SRD5A1: variants seen among roughly 807,000 people sequenced by gnomAD.
SRD5A1 encodes steroid 5 alpha-reductase 1.
In SRD5A1, 22 loss-of-function variants were observed where a neutral mutation model predicts 28.2. The observed-to-expected ratio is 0.78, with a 90% CI of 0.56 to 1.12. SRD5A1 has a LOEUF of 1.12. Ranked by LOEUF, SRD5A1 falls within the 50% of genes most tolerant of loss-of-function variation. The pLI is 0.00. For synonymous variants in SRD5A1, 151 were observed against 135.0 expected (o/e 1.12, Z -0.82); for missense variants, 300 against 346.7 (o/e 0.87, Z 1.07).
rs1739321080 is a variant in SRD5A1 at position 6,670,307 on chromosome 5, G to T, written c.*2039G>T. 6.6e-6 allele frequency: 1 copy of T among 152,170 alleles called. No homozygotes were observed. The highest frequency in any genetic ancestry group is 1.5e-5 in the Non-Finnish European group (1 of 68,052). 9.4% of individuals were successfully genotyped at this position (152,170 alleles called of 1,614,324 possible). A position where few individuals can be genotyped will look rare whatever the true frequency, so the allele number is the denominator to read the frequency against. ...GCCTCAAGCTGCAGGGAAGCCAGGG[G>T]GTGGCATGGCCATGGCTTCTCCCTC... On this transcript the variant is annotated 3_prime_UTR_variant, in exon 5 of 5. Coordinates refer to ENST00000274192, the MANE Select transcript of SRD5A1 (RefSeq NM_001047.4).
rs557030057 is a variant in SRD5A1, at chr5:6,665,554, G to A, written c.713+2588G>A. On this transcript the variant is annotated intron_variant, in intron 4 of 4. Coordinates refer to ENST00000274192, the MANE Select transcript of SRD5A1 (RefSeq NM_001047.4). ...ATCTGACTTCCTCCCCTCTGCGCCC[G>A]CTGCTCCCAGCACTGCACCTGGCCT... 4.6e-5 allele frequency among the ~76,000 whole-genome samples: 7 copies of A among 152,292 alleles called. No homozygotes were observed. In the South Asian group the frequency reaches 1.2e-3, roughly 27 times the overall value.
chr5:6,657,849 C>T (rs1012590459), intron 3 of SRD5A1, among the ~76,000 whole-genome samples: 3 of 152,184 alleles, frequency 2.0e-5, no homozygotes, highest in African/African-American at 7.2e-5. Context: ...ATTTCCTGCT[C>T]TCAGTGTCTG....
chr5:6,664,833 G>A (rs543527238), intron 4 of SRD5A1, among the ~76,000 whole-genome samples: 4 of 152,362 alleles, frequency 2.6e-5, no homozygotes, highest in Admixed American at 2.0e-4. Context: ...AGGAGAGAGC[G>A]AGATCAGAGA....
intron 4 of SRD5A1, among the ~76,000 whole-genome samples, chr5:6,663,420 G>C (rs1258738238): frequency 1.3e-5 from 2 of 152,220 alleles, no homozygotes; most frequent in South Asian, 4.1e-4. Context: ...TGGTGGCTTA[G>C]GCCATGGCTC....
intron 2 of SRD5A1, among the ~76,000 whole-genome samples, chr5:6,655,174 C>T (rs1172287187): frequency 2.0e-5 from 3 of 152,186 alleles, no homozygotes; most frequent in South Asian, 2.1e-4. Context: ...TGATGCCCCA[C>T]GTGTACATTG....
At chr5:6,654,871 T>C (rs1738789115) in intron 2 of SRD5A1, among the ~76,000 whole-genome samples, 1 of 152,238 alleles carries the variant, frequency 6.6e-6, no homozygotes, top group Non-Finnish European at 1.5e-5. Flanking sequence ...GACAACATGA[T>C]TCCTTTCTAG....
chr5:6,666,165 T>C (rs1739162692), intron 4 of SRD5A1, among the ~76,000 whole-genome samples: 1 of 152,200 alleles, frequency 6.6e-6, no homozygotes. Context: ...TCTTTTTTTT[T>C]TTGAGACAGT....
In SRD5A1 at chr5:6,672,572, G is replaced by A. The variant is rs1252677977; in HGVS notation, c.*4304G>A. Reference sequence around the variant, plus strand: ...TTACAGGCACAAGCCACAGCTCCCGGCCCAACTGTTGCATTATTATTTGCA... The same window carrying A: ...TTACAGGCACAAGCCACAGCTCCCGACCCAACTGTTGCATTATTATTTGCA... On this transcript the variant is annotated 3_prime_UTR_variant, in exon 5 of 5. Coordinates refer to ENST00000274192, the MANE Select transcript of SRD5A1 (RefSeq NM_001047.4). 6.6e-6 allele frequency: 1 copy of A among 152,158 alleles called. No individual in the cohort carries two copies. Among genetic ancestry groups the A allele is most frequent in the East Asian group, 1.9e-4 (1 of 5,180 alleles). 9.4% of individuals were successfully genotyped at this position (152,158 alleles called of 1,614,324 possible). A position where few individuals can be genotyped will look rare whatever the true frequency, so the allele number is the denominator to read the frequency against.
At chr5:6,638,832 G>A (rs1738277697) in intron 1 of SRD5A1, among the ~76,000 whole-genome samples, 1 of 152,202 alleles carries the variant, frequency 6.6e-6, no homozygotes, top group Non-Finnish European at 1.5e-5. Context: ...GAAAGGCTAG[G>A]TGAAAGGAAC....
chr5:6,646,826 A>G (rs1240719395), intron 1 of SRD5A1, among the ~76,000 whole-genome samples: 1 of 151,808 alleles, frequency 6.6e-6, no homozygotes, highest in Admixed American at 6.6e-5. Context: ...TAGCTTTTGA[A>G]TTTGTTTGTT....
intron 1 of SRD5A1, chr5:6,645,203 G>C (rs1288765760): frequency 3.0e-6 from 1 of 332,922 alleles, no homozygotes; most frequent in Non-Finnish European, 5.9e-6. Flanking sequence ...TGTGATTACT[G>C]TCGACGTTCA....
chr5:6,655,037 C>G (rs924822660), intron 2 of SRD5A1, among the ~76,000 whole-genome samples: 5 of 152,110 alleles, frequency 3.3e-5, no homozygotes, highest in Middle Eastern at 3.2e-3. Context: ...AAAATAAAAG[C>G]TGATTACAGT....
chr5:6,656,366 A>G (rs1328784285), intron 3 of SRD5A1, among the ~76,000 whole-genome samples, 187 bp downstream of exon 3: 7 of 152,210 alleles, frequency 4.6e-5, no homozygotes, highest in Non-Finnish European at 8.8e-5. Flanking sequence ...ACCCAAATCT[A>G]GCTAACTGAA....
intron 1 of SRD5A1, among the ~76,000 whole-genome samples, chr5:6,634,319 T>TCTC: frequency 6.6e-6 from 1 of 151,960 alleles, no homozygotes; most frequent in South Asian, 2.1e-4. Context: ...AGAGCGAGAC[T>TCTC]CTGTCTCAAA....
In SRD5A1 at chr5:6,655,039, G is replaced by A. The variant is rs8192197; in HGVS notation, c.461-1039G>A. 2.0e-3 allele frequency among the ~76,000 whole-genome samples: 304 copies of A among 152,286 alleles called. 2 individuals carry two copies. Among genetic ancestry groups the A allele is most frequent in the African/African-American group, 7.2e-3 (299 of 41,552 alleles). ...TGCTTAGGAAAAAAAAATAAAAGCT[G>A]ATTACAGTGGCAAAATCAGAAGGAA... On this transcript the variant is annotated intron_variant, in intron 2 of 4. Coordinates refer to ENST00000274192, the MANE Select transcript of SRD5A1 (RefSeq NM_001047.4).
chr5:6,647,676 G>A (rs1202658740), intron 1 of SRD5A1, among the ~76,000 whole-genome samples: 3 of 152,122 alleles, frequency 2.0e-5, no homozygotes, highest in East Asian at 1.9e-4. Context: ...CACGTGAGAT[G>A]GGTCTCCTGA....
intron 1 of SRD5A1, among the ~76,000 whole-genome samples, chr5:6,650,766 A>G (rs1450987610): frequency 6.7e-6 from 1 of 150,120 alleles, no homozygotes; most frequent in Non-Finnish European, 1.5e-5. Context: ...AGCATTAGGT[A>G]TATCTCCCAA....
chr5:6,637,403 C>G (rs1457186763), intron 1 of SRD5A1, among the ~76,000 whole-genome samples: 2 of 152,168 alleles, frequency 1.3e-5, no homozygotes, highest in Non-Finnish European at 2.9e-5. Flanking sequence ...ACTGGTCTTT[C>G]TCTACCCTCG....
At chr5:6,651,553 G>A (rs950602741) in intron 1 of SRD5A1, among the ~76,000 whole-genome samples, 2 of 152,090 alleles carry the variant, frequency 1.3e-5, no homozygotes, top group African/African-American at 2.4e-5. Context: ...CCAGCTACTC[G>A]AGAGGCTGGG....
Sources: gnomAD v4.1 joint callset for allele counts (sites outside exome capture counted in the v4.1 genomes callset) on GRCh38, gnomAD v4.1.1 for gene constraint, MANE v1.5 for transcripts, NCBI Gene and HGNC (gene_info 2026-07-23, HGNC 2026-07-21) for gene names.